The following MTHFS variants were observed in gnomAD, a reference collection of about 807,000 sequenced individuals.
The protein encoded by MTHFS is methenyltetrahydrofolate synthetase, also known as 5-formyltetrahydrofolate cyclo-ligase.
MTHFS carries 7 observed loss-of-function variants against 12.7 expected under a neutral mutation model. That is an observed-to-expected ratio of 0.55 (90% confidence interval 0.31 to 1.03). MTHFS has a LOEUF of 1.03. MTHFS is among the 50% of genes least tolerant of loss of function. The probability of loss-of-function intolerance (pLI) is 0.05; values close to 1 mark genes in which losing one functional copy is unlikely to be tolerated. For missense variants in MTHFS, 252 were observed against 258.1 expected, an observed-to-expected ratio of 0.98 and a Z score of 0.16; for synonymous variants, 100 against 97.1, an observed-to-expected ratio of 1.03 and a Z score of -0.18.
chr15:79,883,283 A>T (rs897437908), intron 2 of MTHFS, among the ~76,000 whole-genome samples: 2 of 152,226 alleles, frequency 1.3e-5, no homozygotes, highest in African/African-American at 2.4e-5. Context: ...ACATGCACAC[A>T]GTTTTTTAAA....
chr15:79,872,103 CAAAAAAAAAAAAA>C (rs58835744), intron 2 of MTHFS, among the ~76,000 whole-genome samples: 1 of 66,772 alleles, frequency 1.5e-5, no homozygotes, highest in Non-Finnish European at 2.9e-5. Flanking sequence ...GACTCCGTCT[CAAAAAAAAAAAAA>C]AAAAAAAAAA....
chr15:79,892,977 G>T (rs989215401), intron 1 of MTHFS, among the ~76,000 whole-genome samples: 5 of 151,902 alleles, frequency 3.3e-5, no homozygotes, highest in Middle Eastern at 3.2e-3. Context: ...TAAATACAAG[G>T]TATGTATTCA....
intron 2 of MTHFS, among the ~76,000 whole-genome samples, chr15:79,884,747 GA>G (rs2034353477): frequency 6.6e-6 from 1 of 152,098 alleles, no homozygotes; most frequent in Non-Finnish European, 1.5e-5. Flanking sequence ...TGAAAATAAG[GA>G]ACAGTGAGAC....
intron 2 of MTHFS, among the ~76,000 whole-genome samples, chr15:79,860,859 G>T (rs1410036355): frequency 6.6e-6 from 1 of 152,158 alleles, no homozygotes; most frequent in African/African-American, 2.4e-5. Context: ...ATTAAAAGGG[G>T]TATGTTTCCT....
intron 2 of MTHFS, among the ~76,000 whole-genome samples, chr15:79,854,089 G>A (rs144609872): frequency 2.1e-4 from 32 of 152,284 alleles, no homozygotes; most frequent in South Asian, 8.3e-4. Context: ...CTTTCCCTAC[G>A]AAATTAAAGC....
intron 2 of MTHFS, among the ~76,000 whole-genome samples, chr15:79,854,285 G>A (rs766372509): frequency 6.6e-6 from 1 of 152,228 alleles, no homozygotes; most frequent in Non-Finnish European, 1.5e-5. Context: ...CAGTCCCTGG[G>A]GTAGCTGACT....
At chr15:79,845,555 T>C (rs1468329087) in intron 2 of MTHFS, 113 bp from the exon 3 acceptor site, 3 of 1,374,878 alleles carry the variant, frequency 2.2e-6, no homozygotes, top group Non-Finnish European at 2.9e-6. Flanking sequence ...CTAAAAACAA[T>C]GTGTGACCAT....
intron 2 of MTHFS, among the ~76,000 whole-genome samples, chr15:79,883,814 G>A (rs1367827574): frequency 6.6e-6 from 1 of 152,268 alleles, no homozygotes; most frequent in Admixed American, 6.5e-5. Flanking sequence ...AGTGGTAAAG[G>A]CCAGATTCAA....
chr15:79,845,533 T>C (rs1596058184), intron 2 of MTHFS, 91 bp from the exon 3 acceptor site: 49 of 1,455,264 alleles, frequency 3.4e-5, no homozygotes, highest in Non-Finnish European at 4.4e-5. Flanking sequence ...ACATCAATTC[T>C]TTCTCTGATT....
At chr15:79,867,997 T>C (rs748444984) in intron 2 of MTHFS, among the ~76,000 whole-genome samples, 2 of 152,184 alleles carry the variant, frequency 1.3e-5, no homozygotes, top group Non-Finnish European at 2.9e-5. Flanking sequence ...CAATCCAACG[T>C]TGGTATAGAC....
At chr15:79,877,709 A>G (rs2034224982) in intron 2 of MTHFS, 2 of 152,046 alleles carry the variant, frequency 1.3e-5, no homozygotes, top group Non-Finnish European at 2.9e-5. Flanking sequence ...CAAAAAAAAA[A>G]GAAAAGAAAT....
At chr15:79,887,211 T>C (rs1382698452) in intron 2 of MTHFS, among the ~76,000 whole-genome samples, 1 of 151,774 alleles carries the variant, frequency 6.6e-6, no homozygotes, top group Non-Finnish European at 1.5e-5. Flanking sequence ...GGTGACAGAG[T>C]GAAACTCTGT....
At chr15:79,863,249 T>A (rs560134236) in intron 2 of MTHFS, among the ~76,000 whole-genome samples, 38 of 152,308 alleles carry the variant, frequency 2.5e-4, no homozygotes, top group African/African-American at 8.9e-4. Context: ...CAAGGGATGG[T>A]CCACTCCCAG....
chr15:79,863,312 A>T (rs2033950190), intron 2 of MTHFS, among the ~76,000 whole-genome samples: 1 of 152,122 alleles, frequency 6.6e-6, no homozygotes, highest in African/African-American at 2.4e-5. Context: ...TGGCAGAACA[A>T]CCTTTCCCAA....
At chr15:79,866,755 A>AGACC (rs1286904069) in intron 2 of MTHFS, among the ~76,000 whole-genome samples, 1 of 152,206 alleles carries the variant, frequency 6.6e-6, no homozygotes, top group African/African-American at 2.4e-5. Flanking sequence ...GTTCCAGACC[A>AGACC]GACCGACCAA....
At chr15:79,874,003 T>A (rs1415690153) in intron 2 of MTHFS, among the ~76,000 whole-genome samples, 2 of 151,926 alleles carry the variant, frequency 1.3e-5, no homozygotes, top group Non-Finnish European at 2.9e-5. Context: ...TGGCAGAGAG[T>A]AACAGCCAAG....
chr15:79,894,625 G>A (rs566503269), intron 1 of MTHFS, among the ~76,000 whole-genome samples: 2 of 152,200 alleles, frequency 1.3e-5, no homozygotes, highest in South Asian at 2.1e-4. Flanking sequence ...CTTCTACGGA[G>A]AAAGACAACG....
At chr15:79,883,374 T>A (rs75930960) in intron 2 of MTHFS, among the ~76,000 whole-genome samples, 51 of 152,336 alleles carry the variant, frequency 3.3e-4, no homozygotes, top group African/African-American at 1.2e-3. Flanking sequence ...AACTGTTAGC[T>A]TCACCTCAAG....
intron 2 of MTHFS, among the ~76,000 whole-genome samples, chr15:79,872,492 C>T (rs1425320240): frequency 6.6e-6 from 1 of 152,232 alleles, no homozygotes; most frequent in African/African-American, 2.4e-5. Context: ...TTTGACTGAA[C>T]AGTACTGCTC....
Sources: gnomAD v4.1 joint callset for allele counts (sites outside exome capture counted in the v4.1 genomes callset) on GRCh38, gnomAD v4.1.1 for gene constraint, MANE v1.5 for transcripts, NCBI Gene and HGNC (gene_info 2026-07-23, HGNC 2026-07-21) for gene names.